SEMA4D: variants seen among roughly 807,000 people sequenced by gnomAD.
SEMA4D encodes the protein semaphorin-4D.
A neutral mutation model predicts 74.8 loss-of-function variants in SEMA4D; 22 were observed. That is an observed-to-expected ratio of 0.29 (90% CI 0.21 to 0.42). SEMA4D has a LOEUF of 0.42. Ranked by LOEUF, SEMA4D falls within the 10% of genes least tolerant of loss-of-function variation. The pLI is 1.00. For missense variants in SEMA4D, 937 were observed against 1,118.4 expected (o/e 0.84, Z 2.31); for synonymous variants, 445 against 463.7 (o/e 0.96, Z 0.52).
intron 2 of SEMA4D, among the ~76,000 whole-genome samples, chr9:89,441,165 G>C (rs1587910012): frequency 1.3e-5 from 2 of 152,200 alleles, no homozygotes; most frequent in Non-Finnish European, 2.9e-5. Flanking sequence ...ACATGTCCCA[G>C]TCCAAATCAG....
intron 1 of SEMA4D, among the ~76,000 whole-genome samples, chr9:89,461,447 G>A (rs1376378338): frequency 2.6e-5 from 4 of 152,118 alleles, no homozygotes; most frequent in Non-Finnish European, 4.4e-5. Context: ...GTATGTTTGC[G>A]TCTTTCACAT....
chr9:89,425,102 A>T (rs1046001345), intron 2 of SEMA4D, among the ~76,000 whole-genome samples: 5 of 152,168 alleles, frequency 3.3e-5, no homozygotes, highest in African/African-American at 9.7e-5. Context: ...CTCCCTAGTG[A>T]GGCCAGGGTC....
chr9:89,421,052 T>C (rs2134216644), intron 2 of SEMA4D, among the ~76,000 whole-genome samples: 1 of 152,322 alleles, frequency 6.6e-6, no homozygotes, highest in East Asian at 1.9e-4. Context: ...CAACCCCTAC[T>C]GCCAGGGACT....
intron 1 of SEMA4D, among the ~76,000 whole-genome samples, chr9:89,482,497 T>C (rs543023169): frequency 6.6e-6 from 1 of 152,304 alleles, no homozygotes; most frequent in African/African-American, 2.4e-5. Context: ...ATAACTGCAC[T>C]GTAGCAAATG....
Position 89,388,636 on chromosome 9 carries a change from C to T in SEMA4D, c.1107G>A (p.Ala369=), listed in dbSNP as rs1038368879. The change falls in exon 11 of 16, where the codon GCG becomes GCA. Residue 369 remains alanine, a splice_region_variant and synonymous_variant. Coordinates refer to ENST00000422704, the MANE Select transcript of SEMA4D (RefSeq NM_001371194.2). ...GCCCGCCCCCAGTGCCCCAGCTCAC[C>T]GCTCCAGGCCGCGGCTTGGGTACCG... ...NGPVPKPRPG[A]CIDSEARAAN... 4 of 1,596,394 alleles carry T rather than the reference C, an allele frequency of 2.5e-6. No individual in the cohort carries two copies. The highest frequency in any genetic ancestry group is 1.7e-5 in the Admixed American group (1 of 57,168).
intron 1 of SEMA4D, among the ~76,000 whole-genome samples, chr9:89,456,206 A>C (rs1855892515): frequency 1.3e-5 from 2 of 152,070 alleles, no homozygotes; most frequent in South Asian, 4.1e-4. Flanking sequence ...ACCTTCCTTC[A>C]CCCTACCCAT....
At chr9:89,406,316 C>T (rs1244961613) in intron 2 of SEMA4D, among the ~76,000 whole-genome samples, 2 of 152,212 alleles carry the variant, frequency 1.3e-5, no homozygotes, top group Non-Finnish European at 2.9e-5. Flanking sequence ...CCTGCTAGCT[C>T]TTCCAGTCTC....
chr9:89,449,512 A>G (rs542770384), intron 2 of SEMA4D: 60 of 749,782 alleles, frequency 8.0e-5, no homozygotes, highest in Middle Eastern at 3.7e-4. Context: ...AGGGAGGCAG[A>G]GGGGCGGCTC....
At chr9:89,475,825 A>G (rs1481482948) in intron 1 of SEMA4D, among the ~76,000 whole-genome samples, 1 of 152,050 alleles carries the variant, frequency 6.6e-6, no homozygotes, top group Non-Finnish European at 1.5e-5. Context: ...GCTTGCACAA[A>G]TATTTTTTTT....
intron 13 of SEMA4D, chr9:89,385,502 C>A (rs1318937870): frequency 1.0e-6 from 1 of 985,412 alleles, no homozygotes; most frequent in Non-Finnish European, 1.2e-6. Flanking sequence ...GACCGAGAGG[C>A]TGGTGAACAG....
chr9:89,422,535 G>A (rs771073963), intron 2 of SEMA4D, among the ~76,000 whole-genome samples: 5 of 152,196 alleles, frequency 3.3e-5, no homozygotes, highest in African/African-American at 4.8e-5. Flanking sequence ...CGTGGGTCAC[G>A]TCCAGGTCCT....
intron 4 of SEMA4D, among the ~76,000 whole-genome samples, chr9:89,401,587 G>A (rs1435394143): frequency 6.6e-6 from 1 of 152,186 alleles, no homozygotes; most frequent in Non-Finnish European, 1.5e-5. Flanking sequence ...TTGAGCATGA[G>A]GTAGGTGTTT....
At chr9:89,363,584 G>C in intron 17 of SEMA4D, 1 of 1,608,032 alleles carries the variant, frequency 6.2e-7, no homozygotes, top group Non-Finnish European at 8.5e-7. Context: ...TGGCACCCTT[G>C]ATGCCCACTG....
intron 2 of SEMA4D, among the ~76,000 whole-genome samples, chr9:89,428,973 G>A (rs1848676320): frequency 6.6e-6 from 1 of 152,244 alleles, no homozygotes; most frequent in Admixed American, 6.5e-5. Context: ...AGGTCCAGAA[G>A]ACAGACAGGA....
intron 3 of SEMA4D, among the ~76,000 whole-genome samples, chr9:89,403,250 C>T (rs1217305087): frequency 6.6e-6 from 1 of 152,164 alleles, no homozygotes; most frequent in Non-Finnish European, 1.5e-5. Flanking sequence ...CACTCACAGC[C>T]CTAGAGCTCA....
intron 2 of SEMA4D, among the ~76,000 whole-genome samples, chr9:89,445,714 C>T (rs749547377): frequency 1.3e-5 from 2 of 152,282 alleles, no homozygotes; most frequent in East Asian, 1.9e-4. Flanking sequence ...GTCAGACAGC[C>T]GAAGTCCCCT....
At chr9:89,423,145 AATACT>A (rs1453409886) in intron 2 of SEMA4D, among the ~76,000 whole-genome samples, 1 of 152,022 alleles carries the variant, frequency 6.6e-6, no homozygotes, top group African/African-American at 2.4e-5. Flanking sequence ...TTTGCAAAGT[AATACT>A]ATATTTGCTA....
At chr9:89,486,023 G>A (rs149873606) in intron 1 of SEMA4D, among the ~76,000 whole-genome samples, 48 of 152,302 alleles carry the variant, frequency 3.2e-4, no homozygotes, top group Non-Finnish European at 3.5e-4. Context: ...AGAACTCCAT[G>A]AGACGGATAG....
chr9:89,385,865 T>TTGGGGGGGGGC, intron 13 of SEMA4D: 7 of 213,328 alleles, frequency 3.3e-5, no homozygotes, highest in Non-Finnish European at 5.6e-5. Flanking sequence ...CCAGCGTGGA[T>TTGGGGGGGGGC]GCCCGCCCAC....
Sources: gnomAD v4.1 joint callset for allele counts (sites outside exome capture counted in the v4.1 genomes callset) on GRCh38, gnomAD v4.1.1 for gene constraint, MANE v1.5 for transcripts, NCBI Gene and HGNC (gene_info 2026-07-23, HGNC 2026-07-21) for gene names.